WASF3: variants seen among roughly 807,000 people sequenced by gnomAD.
The protein encoded by WASF3 is WASP family member 3, also known as actin-binding protein WASF3.
Under a neutral mutation model 46.6 loss-of-function variants are expected in WASF3, and 11 were observed. That is an observed-to-expected ratio of 0.24 (90% CI 0.15 to 0.39). The LOEUF is 0.39. WASF3 is among the 10% of genes least tolerant of loss of function. The pLI is 1.00. For synonymous variants in WASF3, 242 were observed against 259.7 expected, an observed-to-expected ratio of 0.93 and a Z score of 0.65; for missense variants, 576 against 669.8, an observed-to-expected ratio of 0.86 and a Z score of 1.55.
In WASF3 at chr13:26,686,890, G is replaced by C. The variant is rs1157505576; in HGVS notation, c.*1045G>C. ...TTAGGTTTAGGTGAAAGTAGATATTGACAGCTATTCACCTTTCACGGTGCT... is the reference window on the plus strand; with the variant it reads ...TTAGGTTTAGGTGAAAGTAGATATTCACAGCTATTCACCTTTCACGGTGCT... On this transcript the variant is annotated 3_prime_UTR_variant, in exon 10 of 10. Coordinates refer to ENST00000335327, the MANE Select transcript of WASF3 (RefSeq NM_006646.6). The C allele has an allele frequency of 1.3e-5, 2 of 152,278 alleles. No homozygotes were observed. Among genetic ancestry groups the C allele is most frequent in the East Asian group, 3.8e-4 (2 of 5,200 alleles). The allele number at this position is 152,278 out of a possible 1,614,324, so 9.4% of individuals were successfully genotyped here.
At chr13:26,603,221 G>A (rs1057105161) in intron 1 of WASF3, among the ~76,000 whole-genome samples, 8 of 152,124 alleles carry the variant, frequency 5.3e-5, no homozygotes, top group South Asian at 2.1e-4. Flanking sequence ...TTCTTGTGTC[G>A]GGGCCTGGGT....
intron 3 of WASF3, among the ~76,000 whole-genome samples, chr13:26,659,432 T>G (rs1882560340): frequency 6.6e-6 from 1 of 151,482 alleles, no homozygotes; most frequent in African/African-American, 2.4e-5. Flanking sequence ...TTATAAGTGG[T>G]CATCTGGCCT....
At chr13:26,631,346 G>A (rs1398944772) in intron 2 of WASF3, among the ~76,000 whole-genome samples, 2 of 152,146 alleles carry the variant, frequency 1.3e-5, no homozygotes, top group African/African-American at 2.4e-5. Context: ...GTTAATTTTT[G>A]TATAAGGTAT....
intron 2 of WASF3, among the ~76,000 whole-genome samples, chr13:26,629,456 C>T (rs938181705): frequency 2.6e-5 from 4 of 152,352 alleles, no homozygotes; most frequent in Admixed American, 2.6e-4. Flanking sequence ...CCCACAGCTC[C>T]ACCTGCTGGG....
chr13:26,546,583 G>A, the WASF3 span, among the ~76,000 whole-genome samples: 2 of 152,072 alleles, frequency 1.3e-5, no homozygotes, highest in African/African-American at 4.8e-5. Flanking sequence ...GGGGTGGCGG[G>A]TGCCTATAAT....
At chr13:26,599,027 C>T (rs746161702) in intron 1 of WASF3, among the ~76,000 whole-genome samples, 3 of 151,936 alleles carry the variant, frequency 2.0e-5, no homozygotes, top group Admixed American at 6.6e-5. Context: ...CATGCCACCG[C>T]GCCTGGCTAA....
chr13:26,600,565 T>G (rs759087036), intron 1 of WASF3, among the ~76,000 whole-genome samples: 8 of 152,194 alleles, frequency 5.3e-5, no homozygotes, highest in Non-Finnish European at 1.0e-4. Context: ...GGTTAGCTTT[T>G]CATCCCAGCA....
chr13:26,567,093 T>A (rs1232605561), intron 1 of WASF3, among the ~76,000 whole-genome samples: 8 of 152,238 alleles, frequency 5.3e-5, no homozygotes, highest in Admixed American at 5.2e-4. Context: ...GTTTATCATG[T>A]CCTTAAATAA....
chr13:26,680,344 C>A, intron 7 of WASF3: 2 of 961,120 alleles, frequency 2.1e-6, no homozygotes, highest in Non-Finnish European at 2.9e-6. Flanking sequence ...GCCCACGGCA[C>A]TGCCGGGCTG....
At chr13:26,597,295 G>A (rs536860152) in intron 1 of WASF3, among the ~76,000 whole-genome samples, 274 of 152,258 alleles carry the variant, frequency 1.8e-3, no homozygotes, top group Middle Eastern at 0.01. Flanking sequence ...CACCACACCC[G>A]GCTAATGTTT....
At chr13:26,635,619 T>C (rs561250789) in intron 2 of WASF3, among the ~76,000 whole-genome samples, 1 of 152,354 alleles carries the variant, frequency 6.6e-6, no homozygotes, top group East Asian at 1.9e-4. Flanking sequence ...TCCCCATCTT[T>C]GTGGTTTTAT....
At chr13:26,671,827 T>C (rs748976387) in intron 5 of WASF3, 45 bp from the exon 6 acceptor site, 1 of 1,364,166 alleles carries the variant, frequency 7.3e-7, no homozygotes, top group Non-Finnish European at 1.0e-6. Context: ...TATAAAAGTC[T>C]CTAACAATCT....
At chr13:26,566,981 A>C (rs562572056) in intron 1 of WASF3, among the ~76,000 whole-genome samples, 1 of 152,140 alleles carries the variant, frequency 6.6e-6, no homozygotes, top group African/African-American at 2.4e-5. Context: ...TATGTCCCCC[A>C]TTTCACACTT....
intron 7 of WASF3, among the ~76,000 whole-genome samples, chr13:26,677,778 A>T (rs1266831445): frequency 6.6e-6 from 1 of 152,222 alleles, no homozygotes; most frequent in Non-Finnish European, 1.5e-5. Context: ...ATTATAACAC[A>T]GTTCTGCTCA....
At chr13:26,569,142 AAAG>A (rs1017875840) in intron 1 of WASF3, among the ~76,000 whole-genome samples, 1 of 152,234 alleles carries the variant, frequency 6.6e-6, no homozygotes, top group African/African-American at 2.4e-5. Flanking sequence ...ATTGGTTTAA[AAAG>A]AAGTAGGGAG....
At chr13:26,591,640 G>A (rs578128805) in intron 1 of WASF3, among the ~76,000 whole-genome samples, 8 of 152,160 alleles carry the variant, frequency 5.3e-5, no homozygotes, top group Non-Finnish European at 8.8e-5. Flanking sequence ...TATTAGGGTT[G>A]TGTATTAGAC....
intron 1 of WASF3, among the ~76,000 whole-genome samples, chr13:26,563,706 G>C (rs1344949841): frequency 2.1e-5 from 3 of 143,338 alleles, no homozygotes; most frequent in African/African-American, 7.7e-5. Context: ...TTAGATTTCA[G>C]CCTTAATCTT....
chr13:26,542,673 T>TGTTA, the WASF3 span, among the ~76,000 whole-genome samples: 2 of 152,230 alleles, frequency 1.3e-5, no homozygotes, highest in Non-Finnish European at 2.9e-5. Flanking sequence ...CAAAGCTATA[T>TGTTA]GTTAGCCACA....
At chr13:26,623,630 T>G (rs1186726954) in intron 2 of WASF3, among the ~76,000 whole-genome samples, 1 of 151,868 alleles carries the variant, frequency 6.6e-6, no homozygotes, top group Non-Finnish European at 1.5e-5. Flanking sequence ...TCAGGCAGAG[T>G]TTAGTTGTGT....
Sources: gnomAD v4.1 joint callset for allele counts (sites outside exome capture counted in the v4.1 genomes callset) on GRCh38, gnomAD v4.1.1 for gene constraint, MANE v1.5 for transcripts, NCBI Gene and HGNC (gene_info 2026-07-23, HGNC 2026-07-21) for gene names.